The following LZTR1 variants were observed in gnomAD, a reference collection of about 807,000 sequenced individuals.
LZTR1 encodes leucine zipper like post translational regulator 1.
A neutral mutation model predicts 105.7 loss-of-function variants in LZTR1; 260 were observed. That is an observed-to-expected ratio of 2.46 (90% CI 2.22 to 2.72). The LOEUF is 2.72. LZTR1 is among the 30% of genes most tolerant of loss of function. LZTR1 has a pLI of 0.00. For missense variants in LZTR1, 1,214 were observed against 1,166.9 expected (o/e 1.04, Z -0.59); for synonymous variants, 490 against 476.4 (o/e 1.03, Z -0.37).
At chr22:20,996,549 G>T (rs1007138694) in intron 18 of LZTR1, 147 bp from the exon 19 acceptor site, 4 of 642,690 alleles carry the variant, frequency 6.2e-6, no homozygotes, top group African/African-American at 3.7e-5. Flanking sequence ...CCTGAATGGG[G>T]CCTTTGACCC....
rs777021795 is a variant in LZTR1 at position 20,996,024 on chromosome 22, G to C, written c.2131G>C (p.Gly711Arg). Residue 711 changes from glycine (G) to arginine (R), a missense_variant, in exon 18 of 21, where the codon GGG becomes CGG. Coordinates refer to ENST00000646124, the MANE Select transcript of LZTR1 (RefSeq NM_006767.4). ...PEDGQVNISI[G>R]EMVPSRQAFE... ...AGATGGGCAGGTGAACATCTCCATC[G>C]GGGAGATGGTGCCCAGCAGGCAGGC... 6.2e-6 allele frequency: 10 copies of C among 1,613,510 alleles called. No homozygotes were observed. The highest frequency in any genetic ancestry group is 7.6e-6 in the Non-Finnish European group (9 of 1,179,888).
At chr22:20,985,989 C>T (rs1179541519) in intron 3 of LZTR1, 92 bp downstream of exon 3, 33 of 1,342,366 alleles carry the variant, frequency 2.5e-5, no homozygotes, top group Non-Finnish European at 3.2e-5. Context: ...TCTCTCTCAT[C>T]ATGGGAAGCT....
At chr22:20,995,108 A>G (rs1601722304) in intron 16 of LZTR1, 82 bp downstream of exon 16, 3 of 1,485,810 alleles carry the variant, frequency 2.0e-6, no homozygotes, top group Admixed American at 1.9e-5. Flanking sequence ...CATGGAGAGC[A>G]CCTGCCAGGC....
rs1174362373 is a variant in LZTR1 at position 20,998,572 on chromosome 22, C to G, written c.*1224C>G. On this transcript the variant is annotated 3_prime_UTR_variant, in exon 21 of 21. Coordinates refer to ENST00000646124, the MANE Select transcript of LZTR1 (RefSeq NM_006767.4). ...GGGTGTATGCAGGTGTGTGGGGGGC[C>G]CTGAGTGGCAAGTTGCTTAGCTAAC... The G allele has an allele frequency of 6.6e-6, 1 of 152,398 alleles. No homozygotes were observed. Among genetic ancestry groups the G allele is most frequent in the Admixed American group, 6.5e-5 (1 of 15,288 alleles). The allele number at this position is 152,398 out of a possible 1,614,324, so 9.4% of individuals were successfully genotyped here.
At position 20,994,605 on chromosome 22, in the gene LZTR1, C is replaced by T; in HGVS notation, c.1663C>T (p.Leu555=). The T allele has an allele frequency of 6.2e-7, 1 of 1,612,598 alleles. No homozygotes were observed. The highest frequency in any genetic ancestry group is 1.3e-5 in the African/African-American group (1 of 75,046). The change falls in exon 15 of 21, where the codon CTG becomes TTG. Residue 555 remains leucine, a synonymous_variant. Coordinates refer to ENST00000646124, the MANE Select transcript of LZTR1 (RefSeq NM_006767.4). ...LLIMDVYKLA[L]SFQLCRLEQL... ...CATCATGGATGTGTACAAACTGGCA[C>T]TGAGCTTCCAGTTGTGCCGCCTGGA...
At chr22:20,992,963 A>G (rs1236013495) in intron 11 of LZTR1, 59 bp downstream of exon 11, 5 of 1,195,050 alleles carry the variant, frequency 4.2e-6, no homozygotes, top group Non-Finnish European at 5.9e-6. Context: ...GTGATGAGAA[A>G]CTGAGGCCAA....
chr22:20,990,757 C>G lies in LZTR1; in HGVS notation c.791+232C>G, dbSNP rs1374609757. 4 of 510,524 alleles carry G rather than the reference C, an allele frequency of 7.8e-6. No individual in the cohort carries two copies. The Admixed American group carries it at 1.5e-4, about 19-fold the overall frequency. The allele number at this position is 510,524 out of a possible 1,614,324, so 31.6% of individuals were successfully genotyped here. A position where few individuals can be genotyped will look rare whatever the true frequency, so the allele number is the denominator to read the frequency against. On this transcript the variant is annotated intron_variant, in intron 8 of 20. Transcript: ENST00000646124. Reference sequence around the variant, plus strand: ...GGCGAGGAGGCCCCTGGCTAGGCCTCCCTCTGAACGTGAAGGACGTCCCCT... The same window carrying G: ...GGCGAGGAGGCCCCTGGCTAGGCCTGCCTCTGAACGTGAAGGACGTCCCCT...
intron 20 of LZTR1, 113 bp downstream of exon 20, chr22:20,997,079 A>G (rs769079903): frequency 1.6e-6 from 2 of 1,212,580 alleles, no homozygotes; most frequent in South Asian, 2.5e-5. Context: ...CCTGGGGGTG[A>G]GAGAAGCAGA....
chr22:20,983,566 T>C (rs1924275102), intron 2 of LZTR1, among the ~76,000 whole-genome samples: 1 of 152,254 alleles, frequency 6.6e-6, no homozygotes, highest in Non-Finnish European at 1.5e-5. Context: ...TCCACTTAAG[T>C]TGTGGCTGGT....
rs1450044732 is a variant in LZTR1, at chr22:20,989,683, G to T, written c.651+1G>T. 2.5e-6 allele frequency: 4 copies of T among 1,596,944 alleles called. No individual in the cohort carries two copies. The highest frequency in any genetic ancestry group is 3.4e-5 in the Admixed American group (2 of 58,892). On this transcript the variant is annotated splice_donor_variant, in intron 7 of 20. Coordinates refer to ENST00000646124, the MANE Select transcript of LZTR1 (RefSeq NM_006767.4). LOFTEE classifies it high-confidence loss of function. Reference sequence around the variant, plus strand: ...CCGAGAGCTCACCTGCTGGGAGGAGGTGAGGGGCGTGGGGAGCCAGGGCGC... The same window carrying T: ...CCGAGAGCTCACCTGCTGGGAGGAGTTGAGGGGCGTGGGGAGCCAGGGCGC...
rs58365624 is a variant in LZTR1 at position 20,987,388 on chromosome 22, CAAAAAAA to C, written c.321-107_321-101del. ...GGGACGACAGAGAGAGACTCCGTCT[CAAAAAAA>C]AAAAAAAAGAAAAAAGAAAGGCAGC... On this transcript the variant is annotated intron_variant, in intron 3 of 20. Transcript: ENST00000646124. 3,626 of 530,974 alleles carry C rather than the reference CAAAAAAA, an allele frequency of 6.8e-3. 112 individuals carry two copies. The African/African-American group carries it at 0.069, about 10-fold the overall frequency. The allele number at this position is 530,974 out of a possible 1,614,324, so 32.9% of individuals were successfully genotyped here.
Position 20,992,282 on chromosome 22 carries a change from G to C in LZTR1, c.1062G>C (p.Glu354Asp). 6.2e-7 allele frequency: 1 copy of C among 1,614,018 alleles called. No homozygotes were observed. Among genetic ancestry groups the C allele is most frequent in the Non-Finnish European group, 8.5e-7 (1 of 1,179,962 alleles). The part of the protein sequence containing the change: ...SEEVPTLTYE[E>D]RVGFKKSRDV... ...AGGTGCCCACCCTGACCTATGAGGAGCGGGTTGGCTTCAAGAAGTCCCGAG... is the reference window on the plus strand; with the variant it reads ...AGGTGCCCACCCTGACCTATGAGGACCGGGTTGGCTTCAAGAAGTCCCGAG... The change falls in exon 10 of 21, where the codon GAG becomes GAC. Residue 354 changes from glutamate (E) to aspartate (D), a missense_variant. Physicochemically the swap from Glu to Asp is conservative, Grantham distance 45 (BLOSUM62 2). Transcript: ENST00000646124.
chr22:20,996,918 G>A lies in LZTR1; in HGVS notation c.2358G>A (p.Leu786=). The stretch of plus-strand genomic sequence containing the variant: ...AGGCAGCTGACAAAACGCAGGCACT[G>A]GACATGAAGCGGCACTGCCTGCACA... The part of the protein sequence containing the change: ...ILEAADKTQA[L]DMKRHCLHII... The change falls in exon 20 of 21, where the codon CTG becomes CTA. Residue 786 remains leucine, a synonymous_variant. Transcript: ENST00000646124. 2 of 1,613,244 alleles carry A rather than the reference G, an allele frequency of 1.2e-6. No homozygotes were observed. The highest frequency in any genetic ancestry group is 1.1e-5 in the South Asian group (1 of 91,052).
intron 4 of LZTR1, 64 bp downstream of exon 4, chr22:20,987,647 T>C: frequency 2.1e-6 from 3 of 1,433,520 alleles, no homozygotes; most frequent in Non-Finnish European, 3.0e-6. Context: ...CCTGCCCTTC[T>C]GCAGGCCTGG....
chr22:20,985,259 C>T (rs148297144), intron 2 of LZTR1, among the ~76,000 whole-genome samples: 5,054 of 151,942 alleles, frequency 0.033, 149 homozygotes, highest in Non-Finnish European at 0.047. Context: ...GGGGTTTCAC[C>T]ATGTTGGCCA....
chr22:20,988,813 T>C lies in LZTR1; in HGVS notation c.534T>C (p.His178=), dbSNP rs763380241. 8.1e-6 allele frequency: 13 copies of C among 1,613,940 alleles called. No homozygotes were observed. The Admixed American group carries it at 1.2e-4, about 14-fold the overall frequency. Reference sequence around the variant, plus strand: ...GGTTGCCAGTCGCTAGGTCAGCCCATGGGGCCACGGTGTACAGTGACAAGC... The same window carrying C: ...GGTTGCCAGTCGCTAGGTCAGCCCACGGGGCCACGGTGTACAGTGACAAGC... ...EGRLPVARSA[H]GATVYSDKLW... Residue 178 remains histidine, a synonymous_variant, in exon 6 of 21, where the codon CAT becomes CAC. Coordinates refer to ENST00000646124, the MANE Select transcript of LZTR1 (RefSeq NM_006767.4).
rs1419397385 is a variant in LZTR1, at chr22:20,983,067, T to A, written c.241T>A (p.Tyr81Asn). 1 of 1,614,002 alleles carries A rather than the reference T, an allele frequency of 6.2e-7. No homozygotes were observed. The highest frequency in any genetic ancestry group is 8.5e-7 in the Non-Finnish European group (1 of 1,179,964). The change falls in exon 2 of 21, where the codon TAT (tyrosine) becomes AAT (asparagine). Residue 81 changes from tyrosine (Y) to asparagine (N), a missense_variant. By Grantham distance (143) the Tyr-to-Asn change is moderately radical. Transcript: ENST00000646124. ...HTVVAYKDAIYVFGGDNGKTM... is the reference protein window; with the variant it reads ...HTVVAYKDAINVFGGDNGKTM... ...AGTGGTGGCCTATAAAGATGCCATT[T>A]ATGTATTTGGTGGAGACAATGGGTG...
chr22:20,993,920 G>A lies in LZTR1; in HGVS notation c.1354-4G>A, dbSNP rs747750987. 1.7e-5 allele frequency: 28 copies of A among 1,611,084 alleles called. No homozygotes were observed. Among genetic ancestry groups the A allele is most frequent in the Non-Finnish European group, 2.2e-5 (26 of 1,179,544 alleles). ...CCTCTGCCAGTGCATCATTCTTTGT[G>A]CAGAAGGAGGAGTGCGTGCAGGGCC... On this transcript the variant is annotated splice_polypyrimidine_tract_variant and splice_region_variant and intron_variant, in intron 12 of 20. Transcript: ENST00000646124.
intron 18 of LZTR1, 143 bp downstream of exon 18, chr22:20,996,255 G>A: frequency 1.1e-6 from 1 of 893,340 alleles, no homozygotes. Flanking sequence ...TGGTGCCTGG[G>A]GCTGGGCCTG....
Sources: gnomAD v4.1 joint callset for allele counts (sites outside exome capture counted in the v4.1 genomes callset) on GRCh38, gnomAD v4.1.1 for gene constraint, MANE v1.5 for transcripts, NCBI Gene and HGNC (gene_info 2026-07-23, HGNC 2026-07-21) for gene names.